Variants in CRIM1 observed in about 807,000 individuals in gnomAD.
CRIM1 encodes the protein cysteine rich transmembrane BMP regulator 1.
In CRIM1, 32 loss-of-function variants were observed where a neutral mutation model predicts 116.4. The ratio of observed to expected loss-of-function variants is 0.27; its 90% CI spans 0.21 to 0.37. The LOEUF is 0.37. Among genes scored for constraint, CRIM1 ranks in the 10% least tolerant of loss-of-function variants. The probability of loss-of-function intolerance (pLI) is 1.00; values close to 1 mark genes in which losing one functional copy is unlikely to be tolerated. For synonymous variants in CRIM1, 590 were observed against 509.2 expected, an observed-to-expected ratio of 1.16 and a Z score of -2.13; for missense variants, 1,331 against 1,354.8, an observed-to-expected ratio of 0.98 and a Z score of 0.28.
At chr2:36,412,777 T>C (rs1673312919) in intron 2 of CRIM1, among the ~76,000 whole-genome samples, 1 of 152,236 alleles carries the variant, frequency 6.6e-6, no homozygotes, top group Admixed American at 6.5e-5. Context: ...GCCCATTTGA[T>C]ATATGTTTGC....
At chr2:36,462,155 G>A (rs1293863298) in intron 4 of CRIM1, among the ~76,000 whole-genome samples, 2 of 151,962 alleles carry the variant, frequency 1.3e-5, no homozygotes, top group Non-Finnish European at 2.9e-5. Context: ...TAGGTGGTTG[G>A]GTGCAACTTC....
intron 2 of CRIM1, among the ~76,000 whole-genome samples, chr2:36,399,537 A>G (rs1349690311): frequency 6.6e-6 from 1 of 152,236 alleles, no homozygotes; most frequent in Non-Finnish European, 1.5e-5. Flanking sequence ...CTGAAATAGA[A>G]TGATAGTGCA....
chr2:36,513,311 T>TA lies in CRIM1; in HGVS notation c.1781-239dup, dbSNP rs1664810450. On this transcript the variant is annotated intron_variant, in intron 10 of 16. Transcript: ENST00000280527. The stretch of plus-strand genomic sequence containing the variant: ...ATATGAGAAAGTACAGTGGAAGGAA[T>TA]AAAAAATCAGCGATCATCCCACGAA... 9 of 500,620 alleles carry TA rather than the reference T, an allele frequency of 1.8e-5. No individual in the cohort carries two copies. The East Asian group carries it at 3.1e-4, about 17-fold the overall frequency. The allele number at this position is 500,620 out of a possible 1,614,324, so 31.0% of individuals were successfully genotyped here.
chr2:36,534,609 CAGGA>C (rs758422562), intron 13 of CRIM1, among the ~76,000 whole-genome samples: 87 of 112,334 alleles, frequency 7.7e-4, no homozygotes, highest in African/African-American at 1.2e-3. Flanking sequence ...GAGGGAGGGA[CAGGA>C]AGGAAGGAAG....
chr2:36,437,252 G>A (rs1283706920), intron 2 of CRIM1, among the ~76,000 whole-genome samples: 1 of 152,128 alleles, frequency 6.6e-6, no homozygotes, highest in Non-Finnish European at 1.5e-5. Context: ...GTGGGCGCCT[G>A]TAGTCCCAGC....
At chr2:36,441,860 A>C (rs1402868997) in intron 3 of CRIM1, among the ~76,000 whole-genome samples, 1 of 152,194 alleles carries the variant, frequency 6.6e-6, no homozygotes, top group Non-Finnish European at 1.5e-5. Context: ...TATATCTGCC[A>C]CTTTGAATTA....
rs535036625 is a variant in CRIM1 at position 36,383,661 on chromosome 2, A to T, written c.332-12953A>T. Among the ~76,000 whole-genome samples the T allele has an allele frequency of 7.2e-5, 11 of 152,316 alleles. 1 individual carries two copies. In the South Asian group the frequency reaches 1.9e-3, roughly 26 times the overall value. Reference sequence around the variant, plus strand: ...CTCTCAAGAAGCTCAGCAATGCCTTAGGATAAGGGAAGTGCTGGGGGCGGG... The same window carrying T: ...CTCTCAAGAAGCTCAGCAATGCCTTTGGATAAGGGAAGTGCTGGGGGCGGG... On this transcript the variant is annotated intron_variant, in intron 1 of 16. Transcript: ENST00000280527.
chr2:36,454,940 A>G (rs901860342), intron 4 of CRIM1, among the ~76,000 whole-genome samples: 12 of 152,150 alleles, frequency 7.9e-5, no homozygotes, highest in Non-Finnish European at 1.6e-4. Flanking sequence ...GGAAAGGTAA[A>G]GGCGTTAGGA....
At chr2:36,421,868 A>C (rs144395873) in intron 2 of CRIM1, among the ~76,000 whole-genome samples, 2 of 151,658 alleles carry the variant, frequency 1.3e-5, no homozygotes, top group African/African-American at 4.8e-5. Context: ...AGTTTTTTCA[A>C]TGCCTTTGGT....
At chr2:36,437,621 C>A (rs1005785587) in intron 2 of CRIM1, among the ~76,000 whole-genome samples, 3 of 152,092 alleles carry the variant, frequency 2.0e-5, no homozygotes, top group Non-Finnish European at 4.4e-5. Context: ...AGTTGAAAAG[C>A]ATTTAATAAG....
At chr2:36,401,984 C>A (rs1473329705) in intron 2 of CRIM1, among the ~76,000 whole-genome samples, 2 of 149,160 alleles carry the variant, frequency 1.3e-5, no homozygotes, top group African/African-American at 2.5e-5. Flanking sequence ...AGCAAGAAAC[C>A]TTCTGCCATC....
At chr2:36,460,308 A>G (rs548017248) in intron 4 of CRIM1, among the ~76,000 whole-genome samples, 2 of 152,328 alleles carry the variant, frequency 1.3e-5, no homozygotes, top group Non-Finnish European at 2.9e-5. Flanking sequence ...GTATGATTCC[A>G]TTTATATGAA....
intron 2 of CRIM1, among the ~76,000 whole-genome samples, chr2:36,426,977 T>C (rs1023936801): frequency 6.6e-6 from 1 of 151,212 alleles, no homozygotes; most frequent in Admixed American, 6.6e-5. Context: ...CTGAGGCGGG[T>C]GGATCACGAG....
intron 1 of CRIM1, among the ~76,000 whole-genome samples, chr2:36,362,811 A>T (rs1669313361): frequency 6.6e-6 from 1 of 152,190 alleles, no homozygotes; most frequent in African/African-American, 2.4e-5. Context: ...GTTAGTTGCA[A>T]AGTGAACAGG....
At chr2:36,363,664 G>C (rs1265606878) in intron 1 of CRIM1, among the ~76,000 whole-genome samples, 2 of 149,184 alleles carry the variant, frequency 1.3e-5, no homozygotes, top group Admixed American at 1.4e-4. Flanking sequence ...CCATTTATCT[G>C]TGAACAAATA....
intron 1 of CRIM1, among the ~76,000 whole-genome samples, chr2:36,357,911 A>G (rs776582615): frequency 3.0e-4 from 46 of 152,198 alleles, no homozygotes; most frequent in African/African-American, 2.4e-4. Context: ...AAGGATAACA[A>G]TGGACCTATT....
intron 1 of CRIM1, among the ~76,000 whole-genome samples, chr2:36,381,055 G>T (rs556337609): frequency 2.0e-5 from 3 of 152,186 alleles, no homozygotes; most frequent in Non-Finnish European, 4.4e-5. Flanking sequence ...CAGTGGGCTG[G>T]ATCAGCCTCT....
At chr2:36,462,097 A>C (rs190533966) in intron 4 of CRIM1, among the ~76,000 whole-genome samples, 21 of 152,314 alleles carry the variant, frequency 1.4e-4, no homozygotes, top group Admixed American at 1.3e-3. Context: ...CAGTCAGTTT[A>C]GTTGTAAAGA....
chr2:36,368,016 C>T (rs1669707387), intron 1 of CRIM1, among the ~76,000 whole-genome samples: 2 of 152,344 alleles, frequency 1.3e-5, no homozygotes, highest in Non-Finnish European at 2.9e-5. Flanking sequence ...ATGCTCATTT[C>T]TGCCTCTGAC....
Sources: gnomAD v4.1 joint callset for allele counts (sites outside exome capture counted in the v4.1 genomes callset) on GRCh38, gnomAD v4.1.1 for gene constraint, MANE v1.5 for transcripts, NCBI Gene and HGNC (gene_info 2026-07-23, HGNC 2026-07-21) for gene names.